The following GRIK3 variants were observed in gnomAD, a reference collection of about 807,000 sequenced individuals.
The protein encoded by GRIK3 is glutamate ionotropic receptor kainate type subunit 3.
GRIK3 carries 29 observed loss-of-function variants against 102.5 expected under a neutral mutation model. The ratio of observed to expected loss-of-function variants is 0.28; its 90% confidence interval spans 0.21 to 0.39. The LOEUF is 0.39. GRIK3 is among the 10% of genes least tolerant of loss of function. GRIK3 has a pLI of 1.00. For missense variants in GRIK3, 908 were observed against 1,252.4 expected, an observed-to-expected ratio of 0.73 and a Z score of 4.15; for synonymous variants, 511 against 504.9, an observed-to-expected ratio of 1.01 and a Z score of -0.16.
At chr1:36,818,484 G>A (rs1642655158) in intron 12 of GRIK3, among the ~76,000 whole-genome samples, 1 of 152,208 alleles carries the variant, frequency 6.6e-6, no homozygotes, top group African/African-American at 2.4e-5. Context: ...TCCAAACCAG[G>A]CTTTGGGCTG....
intron 1 of GRIK3, among the ~76,000 whole-genome samples, chr1:36,987,302 C>T (rs562155919): frequency 5.3e-5 from 8 of 150,740 alleles, no homozygotes; most frequent in South Asian, 2.1e-4. Flanking sequence ...CACTGAGGTT[C>T]GATTCCATGT....
intron 1 of GRIK3, among the ~76,000 whole-genome samples, chr1:36,894,558 T>C (rs1016947193): frequency 6.6e-6 from 1 of 152,184 alleles, no homozygotes; most frequent in East Asian, 1.9e-4. Flanking sequence ...TCTTCTTAGA[T>C]CTGTAAGAGA....
intron 1 of GRIK3, among the ~76,000 whole-genome samples, chr1:36,928,766 T>A (rs1641556702): frequency 6.6e-6 from 1 of 152,240 alleles, no homozygotes; most frequent in South Asian, 2.1e-4. Context: ...ATTCTCTGCT[T>A]TGGTCATATT....
At chr1:37,010,157 T>C (rs1642579116) in intron 1 of GRIK3, among the ~76,000 whole-genome samples, 1 of 152,180 alleles carries the variant, frequency 6.6e-6, no homozygotes, top group Non-Finnish European at 1.5e-5. Flanking sequence ...GTTGTGCTTC[T>C]CTTCTAGCCA....
chr1:36,857,033 C>T (rs1640661330), intron 7 of GRIK3, among the ~76,000 whole-genome samples: 1 of 152,236 alleles, frequency 6.6e-6, no homozygotes, highest in South Asian at 2.1e-4. Context: ...CTCACCAATC[C>T]TCAGAACAAC....
At chr1:36,803,257 G>A (rs1175125287) in intron 15 of GRIK3, among the ~76,000 whole-genome samples, 6 of 152,026 alleles carry the variant, frequency 3.9e-5, no homozygotes, top group Non-Finnish European at 2.9e-5. Context: ...CATTTTAGGA[G>A]CAGCATGTGC....
Position 37,034,462 on chromosome 1 carries a change from G to T in GRIK3, c.-354C>A, listed in dbSNP as rs1178040858. On this transcript the variant is annotated 5_prime_UTR_variant, in exon 1 of 16. Transcript: ENST00000373091. The stretch of plus-strand genomic sequence containing the variant: ...GGGCTCTGGCGGGCGGGCTGCACGC[G>T]TCTCCGGCCGCTCCTCCTCCAGCCG... 6.6e-6 allele frequency among the ~76,000 whole-genome samples: 1 copy of T among 151,202 alleles called. No individual in the cohort carries two copies. The highest frequency in any genetic ancestry group is 1.5e-5 in the Non-Finnish European group (1 of 67,638).
intron 10 of GRIK3, among the ~76,000 whole-genome samples, chr1:36,828,775 C>T (rs181583319): frequency 9.1e-4 from 139 of 152,268 alleles, no homozygotes; most frequent in Non-Finnish European, 1.8e-3. Flanking sequence ...AAGTCAATGG[C>T]GGTGATGAAT....
chr1:36,811,395 G>C (rs1178396879), intron 13 of GRIK3, among the ~76,000 whole-genome samples: 1 of 152,156 alleles, frequency 6.6e-6, no homozygotes, highest in Non-Finnish European at 1.5e-5. Flanking sequence ...CTCAGCTGCT[G>C]AGAATTGCTG....
intron 1 of GRIK3, among the ~76,000 whole-genome samples, chr1:36,903,097 C>A (rs1237977240): frequency 6.6e-6 from 1 of 152,114 alleles, no homozygotes. Flanking sequence ...TGATGATGGA[C>A]TATTATCCAA....
intron 1 of GRIK3, among the ~76,000 whole-genome samples, chr1:36,963,567 GCT>G (rs1157120352): frequency 6.6e-6 from 1 of 152,162 alleles, no homozygotes; most frequent in African/African-American, 2.4e-5. Context: ...AACATCTGAG[GCT>G]CAGAGAGGTC....
chr1:36,972,399 C>A (rs1642153109), intron 1 of GRIK3, among the ~76,000 whole-genome samples: 1 of 152,358 alleles, frequency 6.6e-6, no homozygotes, highest in Non-Finnish European at 1.5e-5. Context: ...CACGGCACCC[C>A]AGCCAGCTCC....
rs559701085 is a variant in GRIK3, at chr1:36,871,495, G to A, written c.732+693C>T. On this transcript the variant is annotated intron_variant, in intron 4 of 15. Coordinates refer to ENST00000373091, the MANE Select transcript of GRIK3 (RefSeq NM_000831.4). ...GACATAATTGCCTTTTACACAAAGC[G>A]CCAGCTCAAATCAGTTTTTGGTTTC... Among the ~76,000 whole-genome samples, 260 of 152,336 alleles carry A rather than the reference G, an allele frequency of 1.7e-3. 9 individuals carry two copies. The South Asian group carries it at 0.049, about 29-fold the overall frequency.
intron 10 of GRIK3, among the ~76,000 whole-genome samples, chr1:36,838,025 C>T (rs1370704807): frequency 6.6e-6 from 1 of 152,210 alleles, no homozygotes; most frequent in Non-Finnish European, 1.5e-5. Context: ...AGGGGCCACC[C>T]TCCCACCACC....
At chr1:36,854,350 G>T (rs1361752407) in intron 7 of GRIK3, among the ~76,000 whole-genome samples, 1 of 152,190 alleles carries the variant, frequency 6.6e-6, no homozygotes, top group Non-Finnish European at 1.5e-5. Context: ...TGCTATAAGG[G>T]TGAAATGAGA....
chr1:37,033,935 C>T, intron 1 of GRIK3, 59 bp downstream of exon 1: 1 of 937,600 alleles, frequency 1.1e-6, no homozygotes, highest in Non-Finnish European at 1.7e-6. Context: ...GTTGGGAGGC[C>T]CCCTCATTCC....
intron 1 of GRIK3, among the ~76,000 whole-genome samples, chr1:36,927,833 G>A (rs367800093): frequency 1.3e-5 from 2 of 152,108 alleles, no homozygotes; most frequent in African/African-American, 4.8e-5. Flanking sequence ...GAGGCTCCCC[G>A]AGAGGCAGGG....
intron 1 of GRIK3, among the ~76,000 whole-genome samples, chr1:37,003,086 T>A (rs1468332763): frequency 6.6e-6 from 1 of 151,916 alleles, no homozygotes; most frequent in African/African-American, 2.4e-5. Context: ...AAGATACAGT[T>A]TCCCTTTTCC....
At chr1:36,833,952 T>A (rs1290493632) in intron 10 of GRIK3, among the ~76,000 whole-genome samples, 2 of 152,158 alleles carry the variant, frequency 1.3e-5, no homozygotes, top group African/African-American at 2.4e-5. Flanking sequence ...TCCCCCAAAG[T>A]TTCCTGGGAT....
Sources: allele counts gnomAD v4.1 joint callset (sites outside exome capture counted in the v4.1 genomes callset), GRCh38; gene constraint gnomAD v4.1.1; transcripts MANE v1.5; gene names NCBI Gene and HGNC (gene_info 2026-07-23, HGNC 2026-07-21).